Variants in EPHA6 observed in about 807,000 individuals in gnomAD.
EPHA6 encodes EPH receptor A6.
In EPHA6, 50 loss-of-function variants were observed where a neutral mutation model predicts 112.0. The observed-to-expected ratio is 0.45, with a 90% confidence interval of 0.36 to 0.56. The LOEUF (loss-of-function observed/expected upper bound fraction) is 0.56. Among genes scored for constraint, EPHA6 ranks in the 20% least tolerant of loss-of-function variants. EPHA6 has a pLI of 0.00. For synonymous variants in EPHA6, 529 were observed against 490.7 expected, an observed-to-expected ratio of 1.08 and a Z score of -1.03; for missense variants, 1,280 against 1,417.4, an observed-to-expected ratio of 0.90 and a Z score of 1.56.
At chr3:96,910,230 C>T (rs2039147725) in intron 2 of EPHA6, among the ~76,000 whole-genome samples, 1 of 151,980 alleles carries the variant, frequency 6.6e-6, no homozygotes, top group Admixed American at 6.6e-5. Flanking sequence ...AATAATCCAT[C>T]CAATTTCTGA....
At chr3:97,181,455 C>T (rs928890708) in intron 3 of EPHA6, among the ~76,000 whole-genome samples, 5 of 152,060 alleles carry the variant, frequency 3.3e-5, no homozygotes, top group African/African-American at 7.2e-5. Flanking sequence ...CTCTGCCCTC[C>T]TCCCTTTCCT....
intron 4 of EPHA6, among the ~76,000 whole-genome samples, chr3:97,238,704 G>C (rs998712832): frequency 2.0e-5 from 3 of 151,888 alleles, no homozygotes; most frequent in African/African-American, 7.2e-5. Context: ...AGTTCTGACA[G>C]ACGATAGCAA....
At chr3:97,322,865 G>A (rs1219128853) in intron 5 of EPHA6, among the ~76,000 whole-genome samples, 2 of 151,926 alleles carry the variant, frequency 1.3e-5, no homozygotes, top group Non-Finnish European at 2.9e-5. Flanking sequence ...CCTAACGAGA[G>A]CTGACCTATA....
intron 6 of EPHA6, among the ~76,000 whole-genome samples, chr3:97,448,336 G>A (rs2090418026): frequency 1.3e-5 from 2 of 152,076 alleles, no homozygotes; most frequent in South Asian, 2.1e-4. Flanking sequence ...TACAAGTGCA[G>A]TTTATATAAG....
At chr3:96,854,248 C>G (rs2107388369) in intron 1 of EPHA6, among the ~76,000 whole-genome samples, 1 of 147,880 alleles carries the variant, frequency 6.8e-6, no homozygotes, top group Non-Finnish European at 1.5e-5. Flanking sequence ...GGCACAATCT[C>G]AGCTCACTGC....
At chr3:97,748,556 G>T (rs375429889) in intron 17 of EPHA6, 31 bp from the exon 18 acceptor site, 8 of 1,080,036 alleles carry the variant, frequency 7.4e-6, no homozygotes, top group African/African-American at 3.1e-5. Flanking sequence ...TCTCACTCTC[G>T]CTCTCACTCT....
intron 5 of EPHA6, among the ~76,000 whole-genome samples, chr3:97,252,610 C>T (rs891673311): frequency 4.6e-5 from 7 of 152,058 alleles, no homozygotes; most frequent in Non-Finnish European, 8.8e-5. Flanking sequence ...ACAGCAGTCA[C>T]AGGGCAGGGA....
At chr3:97,680,547 G>T (rs994763750) in intron 14 of EPHA6, among the ~76,000 whole-genome samples, 6 of 152,186 alleles carry the variant, frequency 3.9e-5, no homozygotes, top group Admixed American at 3.9e-4. Context: ...TGTGAAAAGT[G>T]AAAAACAGTT....
chr3:97,244,418 GGTT>G (rs2078930703), intron 5 of EPHA6, 131 bp downstream of exon 5: 2 of 714,616 alleles, frequency 2.8e-6, no homozygotes, highest in African/African-American at 1.8e-5. Context: ...GTAATGCACT[GGTT>G]GTTGTTCTTG....
At chr3:97,413,721 G>T in intron 6 of EPHA6, among the ~76,000 whole-genome samples, 1 of 151,910 alleles carries the variant, frequency 6.6e-6, no homozygotes, top group East Asian at 1.9e-4. Flanking sequence ...GGGGTCCTGA[G>T]ATTATATTTT....
At chr3:97,445,213 C>T (rs2090296031) in intron 6 of EPHA6, among the ~76,000 whole-genome samples, 1 of 152,038 alleles carries the variant, frequency 6.6e-6, no homozygotes, top group South Asian at 2.1e-4. Flanking sequence ...ATTTTCTGTG[C>T]TCATCCGAGG....
At chr3:97,335,963 G>T (rs1035160022) in intron 5 of EPHA6, among the ~76,000 whole-genome samples, 1 of 152,066 alleles carries the variant, frequency 6.6e-6, no homozygotes. Context: ...GACCAAATGA[G>T]CCAGTTTATC....
At chr3:97,265,605 CT>C (rs1407952460) in intron 5 of EPHA6, among the ~76,000 whole-genome samples, 1 of 152,152 alleles carries the variant, frequency 6.6e-6, no homozygotes, top group Non-Finnish European at 1.5e-5. Flanking sequence ...CAGGGGGGGC[CT>C]TCCCAAGACC....
intron 14 of EPHA6, among the ~76,000 whole-genome samples, chr3:97,697,519 A>G (rs963962399): frequency 1.1e-4 from 17 of 152,248 alleles, no homozygotes; most frequent in Non-Finnish European, 2.4e-4. Context: ...TAAAAGATGA[A>G]TGTGTCACAG....
chr3:97,241,417 T>A (rs2078842478), intron 4 of EPHA6, among the ~76,000 whole-genome samples: 1 of 151,818 alleles, frequency 6.6e-6, no homozygotes, highest in Non-Finnish European at 1.5e-5. Context: ...CCTGGGAGTT[T>A]TCAATACAGA....
At chr3:97,510,863 C>A (rs1467259733) in intron 10 of EPHA6, among the ~76,000 whole-genome samples, 3 of 152,226 alleles carry the variant, frequency 2.0e-5, no homozygotes, top group African/African-American at 7.2e-5. Context: ...GGGACTGCTT[C>A]CTTTCTTTCA....
chr3:97,210,453 TA>T (rs1172235272), intron 3 of EPHA6, among the ~76,000 whole-genome samples: 21 of 152,248 alleles, frequency 1.4e-4, no homozygotes, highest in African/African-American at 5.1e-4. Context: ...ACCAGGCCCC[TA>T]CCTTGACACG....
chr3:97,002,482 A>G (rs1024181628), intron 3 of EPHA6, among the ~76,000 whole-genome samples: 1 of 145,892 alleles, frequency 6.9e-6, no homozygotes, highest in African/African-American at 2.7e-5. Flanking sequence ...ATCATGAGAT[A>G]TGTTATAATA....
At chr3:97,165,972 G>A (rs2076532697) in intron 3 of EPHA6, among the ~76,000 whole-genome samples, 1 of 152,056 alleles carries the variant, frequency 6.6e-6, no homozygotes, top group Non-Finnish European at 1.5e-5. Context: ...AGAAGTGCAT[G>A]ACTAGATTTC....
Sources: gnomAD v4.1 joint callset for allele counts (sites outside exome capture counted in the v4.1 genomes callset) on GRCh38, gnomAD v4.1.1 for gene constraint, MANE v1.5 for transcripts, NCBI Gene and HGNC (gene_info 2026-07-23, HGNC 2026-07-21) for gene names.